CNGB1: variants seen among roughly 807,000 people sequenced by gnomAD.
The protein encoded by CNGB1 is cyclic nucleotide-gated channel beta-1.
In CNGB1, 126 loss-of-function variants were observed where a neutral mutation model predicts 151.7. The observed-to-expected ratio is 0.83, with a 90% confidence interval of 0.72 to 0.96. The LOEUF (loss-of-function observed/expected upper bound fraction) is 0.96, where lower values mean the gene tolerates loss of function less well. CNGB1 is among the 40% of genes least tolerant of loss of function. The probability of loss-of-function intolerance (pLI) is 0.00; values close to 1 mark genes in which losing one functional copy is unlikely to be tolerated. For missense variants in CNGB1, 1,698 were observed against 1,627.0 expected (o/e 1.04, Z -0.75); for synonymous variants, 623 against 635.1 (o/e 0.98, Z 0.29).
At position 57,884,274 on chromosome 16, in the gene CNGB1, C is replaced by T; in HGVS notation, c.3646G>A (p.Ala1216Thr). The change falls in exon 33 of 33, where the codon GCC (alanine) becomes ACC (threonine). Residue 1216 changes from alanine to threonine, a missense_variant. Ala to Thr is a moderately conservative substitution (Grantham distance 58, BLOSUM62 0). Coordinates refer to ENST00000251102, the MANE Select transcript of CNGB1 (RefSeq NM_001297.5). ...GRPEGEEEGP[A>T]EPEEHSVRIC... is the part of the protein sequence containing the mutation. ...CTCACCGAGTGCTCTTCGGGCTCGG[C>T]CGGCCCCTCCTCCTCTCCCTCCGGC... 1 of 1,613,650 alleles carries T rather than the reference C, an allele frequency of 6.2e-7. No individual in the cohort carries two copies. The highest frequency in any genetic ancestry group is 2.2e-5 in the East Asian group (1 of 44,850).
chr16:57,931,749 A>G lies in CNGB1; in HGVS notation c.1502T>C (p.Leu501Pro). ...PPPSPAKSDT[L>P]IVPSSASGTH... ...CCCCGAGGCTGAGCTTGGGACTATA[A>G]GGGTGTCTGATTTGGCAGGAGACGG... is the stretch of plus-strand genomic sequence containing the variant. Residue 501 changes from leucine to proline, a missense_variant, in exon 17 of 33, where the codon CTT becomes CCT. Transcript: ENST00000251102. 6.2e-7 allele frequency: 1 copy of G among 1,614,128 alleles called. No individual in the cohort carries two copies. The highest frequency in any genetic ancestry group is 1.7e-5 in the Admixed American group (1 of 60,012).
chr16:57,921,753 G>A (rs931537054), intron 18 of CNGB1, among the ~76,000 whole-genome samples: 1 of 152,196 alleles, frequency 6.6e-6, no homozygotes, highest in East Asian at 1.9e-4. Context: ...GGTGACCAGT[G>A]GGACATGGGA....
intron 14 of CNGB1, among the ~76,000 whole-genome samples, chr16:57,943,517 A>C (rs765906221): frequency 6.6e-6 from 1 of 152,164 alleles, no homozygotes; most frequent in Non-Finnish European, 1.5e-5. Flanking sequence ...TAAAAATACA[A>C]AAATTAGGCG....
chr16:57,926,992 CA>C (rs1179080665), intron 17 of CNGB1, among the ~76,000 whole-genome samples: 1 of 152,046 alleles, frequency 6.6e-6, no homozygotes, highest in African/African-American at 2.4e-5. Flanking sequence ...CAAAACAAAA[CA>C]AAACAAAATA....
rs1295306173 is a variant in CNGB1, at chr16:57,950,362, G to A, written c.1034+19C>T. ...CTCAAACAATAACTAATCTTTTAGGGTCTTCTCAGACTCCCCACCTGGGCA... is the reference window on the plus strand; with the variant it reads ...CTCAAACAATAACTAATCTTTTAGGATCTTCTCAGACTCCCCACCTGGGCA... On this transcript the variant is annotated intron_variant, in intron 13 of 32. Coordinates refer to ENST00000251102, the MANE Select transcript of CNGB1 (RefSeq NM_001297.5). The A allele has an allele frequency of 1.9e-6, 3 of 1,613,838 alleles. No homozygotes were observed. Among genetic ancestry groups the A allele is most frequent in the Non-Finnish European group, 2.5e-6 (3 of 1,179,854 alleles).
rs185975325 is a variant in CNGB1, at chr16:57,957,598, G to A, written c.838-221C>T. 1.0e-3 allele frequency among the ~76,000 whole-genome samples: 154 copies of A among 152,358 alleles called. 4 individuals are homozygous for A. The East Asian group carries it at 0.026, about 25-fold the overall frequency. Reference sequence around the variant, plus strand: ...CGAGCCTTGGCTCAAGTGAAGCAAGGTGGGGGTGACCCCAGACAGCCACAG... The same window carrying A: ...CGAGCCTTGGCTCAAGTGAAGCAAGATGGGGGTGACCCCAGACAGCCACAG... On this transcript the variant is annotated intron_variant, in intron 11 of 32. Coordinates refer to ENST00000251102, the MANE Select transcript of CNGB1 (RefSeq NM_001297.5).
chr16:57,895,098 A>G (rs1191134676), intron 31 of CNGB1, among the ~76,000 whole-genome samples: 1 of 152,154 alleles, frequency 6.6e-6, no homozygotes, highest in African/African-American at 2.4e-5. Context: ...TGTATTGCTC[A>G]GTGTTGGAGA....
chr16:57,912,331 G>A (rs1465872127), intron 24 of CNGB1, among the ~76,000 whole-genome samples: 2 of 152,214 alleles, frequency 1.3e-5, no homozygotes, highest in Admixed American at 1.3e-4. Flanking sequence ...CCAGTTCCCT[G>A]AGCTGAGGCC....
In CNGB1 at chr16:57,901,573, G is replaced by A. The variant is rs754430019; in HGVS notation, c.2847C>T (p.Ala949=). Residue 949 remains alanine (A), a synonymous_variant, in exon 28 of 33, where the codon GCC becomes GCT. Coordinates refer to ENST00000251102, the MANE Select transcript of CNGB1 (RefSeq NM_001297.5). ...QLPDKMRLDL[A]IDVNYNIVSK... is the part of the protein sequence containing the mutation. ...TAACGATGTTGTAGTTCACGTCGAT[G>A]GCGAGGTCCAGCCGCATCTTGTCTG... 3.7e-6 allele frequency: 6 copies of A among 1,614,140 alleles called. No homozygotes were observed. In the South Asian group the frequency reaches 6.6e-5, roughly 18 times the overall value.
intron 27 of CNGB1, among the ~76,000 whole-genome samples, chr16:57,902,881 G>A (rs1233144605): frequency 1.3e-5 from 2 of 152,168 alleles, no homozygotes; most frequent in Non-Finnish European, 2.9e-5. Context: ...CCAAAGTGCT[G>A]GGATTACAGG....
intron 17 of CNGB1, among the ~76,000 whole-genome samples, chr16:57,927,057 A>C (rs1961210465): frequency 6.6e-6 from 1 of 152,214 alleles, no homozygotes; most frequent in Non-Finnish European, 1.5e-5. Flanking sequence ...CAGAATGAGG[A>C]CCTAAGCTGG....
intron 31 of CNGB1, among the ~76,000 whole-genome samples, chr16:57,894,650 T>C (rs1397382704): frequency 6.6e-6 from 1 of 152,084 alleles, no homozygotes; most frequent in Non-Finnish European, 1.5e-5. Flanking sequence ...TTCGCAAAAG[T>C]AAGCAGAGGA....
intron 16 of CNGB1, among the ~76,000 whole-genome samples, chr16:57,932,965 A>C (rs1238736666): frequency 6.6e-6 from 1 of 152,102 alleles, no homozygotes; most frequent in East Asian, 1.9e-4. Flanking sequence ...CCCAGGCTGG[A>C]GTGCAGTGGC....
chr16:57,913,073 T>A lies in CNGB1; in HGVS notation c.2305-79A>T. ...CTCCCACGCCCACGGGCGCCGAGAC[T>A]CAGGGCTCTTCCTGCAGCCCCCAGG... On this transcript the variant is annotated intron_variant, in intron 23 of 32. Coordinates refer to ENST00000251102, the MANE Select transcript of CNGB1 (RefSeq NM_001297.5). The A allele has an allele frequency of 1.5e-6, 2 of 1,321,554 alleles. 1 individual carries two copies. The highest frequency in any genetic ancestry group is 2.4e-5 in the South Asian group (2 of 84,744). 81.9% of individuals were successfully genotyped at this position (1,321,554 alleles called of 1,614,324 possible). A position where few individuals can be genotyped will look rare whatever the true frequency, so the allele number is the denominator to read the frequency against.
chr16:57,951,120 CA>C (rs1961938755), intron 12 of CNGB1, among the ~76,000 whole-genome samples: 1 of 152,188 alleles, frequency 6.6e-6, no homozygotes, highest in South Asian at 2.1e-4. Flanking sequence ...GTCCCAATTT[CA>C]GATGGGAGTC....
chr16:57,904,734 C>T lies in CNGB1; in HGVS notation c.2634G>A (p.Gln878=). The change falls in exon 26 of 33, where the codon CAG becomes CAA. Residue 878 remains glutamine, a splice_region_variant and synonymous_variant. Transcript: ENST00000251102. ...GGAAGCTGGGCTGGTGCCCCGATAC[C>T]TGTCCGATCATCACAGAGAAAGCAA... ...GVFAFSVMIG[Q]MRDVVGAATA... The T allele has an allele frequency of 1.2e-6, 2 of 1,614,132 alleles. No homozygotes were observed. The highest frequency in any genetic ancestry group is 1.7e-6 in the Non-Finnish European group (2 of 1,180,030).
At chr16:57,939,742 T>G (rs1442295690) in intron 15 of CNGB1, 150 bp from the exon 16 acceptor site, 2 of 1,090,708 alleles carry the variant, frequency 1.8e-6, no homozygotes, top group Non-Finnish European at 2.8e-6. Flanking sequence ...CAGCCCACCT[T>G]CTGGGCATCC....
chr16:57,918,762 C>G (rs1422859945), intron 20 of CNGB1, among the ~76,000 whole-genome samples: 1 of 152,078 alleles, frequency 6.6e-6, no homozygotes, highest in Non-Finnish European at 1.5e-5. Flanking sequence ...TGCAATTGTG[C>G]GATCTTGACT....
At chr16:57,922,729 G>A (rs1249181183) in intron 18 of CNGB1, among the ~76,000 whole-genome samples, 10 of 152,168 alleles carry the variant, frequency 6.6e-5, no homozygotes, top group South Asian at 2.1e-4. Context: ...ACGCCTGGCC[G>A]TCATCATAGT....
Sources: allele counts gnomAD v4.1 joint callset (sites outside exome capture counted in the v4.1 genomes callset), GRCh38; gene constraint gnomAD v4.1.1; transcripts MANE v1.5; gene names NCBI Gene and HGNC (gene_info 2026-07-23, HGNC 2026-07-21).